The following POTEF variants were observed in gnomAD, a reference collection of about 807,000 sequenced individuals.
POTEF encodes the protein POTE ankyrin domain family member F, also known as ANKRD26-like family C member 1B.
In POTEF, 20 loss-of-function variants were observed where a neutral mutation model predicts 83.2. The observed-to-expected ratio is 0.24, with a 90% CI of 0.17 to 0.35. The LOEUF (loss-of-function observed/expected upper bound fraction) is 0.35, where lower values mean the gene tolerates loss of function less well. Among genes scored for constraint, POTEF ranks in the 10% least tolerant of loss-of-function variants. The pLI is 1.00. For missense variants in POTEF, 550 were observed against 1,203.2 expected (o/e 0.46, Z 8.03); for synonymous variants, 196 against 446.4 (o/e 0.44, Z 7.07).
intron 3 of POTEF, among the ~76,000 whole-genome samples, chr2:130,118,522 C>A (rs1407564387): frequency 4.0e-5 from 6 of 151,324 alleles, no homozygotes; most frequent in Admixed American, 3.9e-4. Flanking sequence ...TGGTGAAACC[C>A]CATCTCTACT....
intron 8 of POTEF, among the ~76,000 whole-genome samples, chr2:130,104,578 T>G (rs1389825196): frequency 6.6e-6 from 1 of 151,588 alleles, no homozygotes; most frequent in Non-Finnish European, 1.5e-5. Flanking sequence ...GAAAATGATT[T>G]TTTAGAAGTC....
chr2:130,120,179 T>C lies in POTEF; in HGVS notation c.337A>G (p.Ser113Gly), dbSNP rs2897665. 0.63 allele frequency: 978,977 copies of C among 1,562,616 alleles called. 301,397 individuals carry two copies. Among genetic ancestry groups the C allele is most frequent in the African/African-American group, 0.78 (55,018 of 70,698 alleles). ...CCCCAAGCGCCCACCTTGCTCTTGC[T>C]GCTCCCCCTGCAGCAGGGGAAGCAG... ...CHCFPCCRGS[S>G]KSKVGAWGDY... Residue 113 changes from serine (S) to glycine (G), a missense_variant, in exon 3 of 17, where the codon AGC becomes GGC. Physicochemically the swap from Ser to Gly is moderately conservative, Grantham distance 56. Coordinates refer to ENST00000409914, the MANE Select transcript of POTEF (RefSeq NM_001099771.2).
chr2:130,122,766 G>T lies in POTEF; in HGVS notation c.-93-2158C>A, dbSNP rs1685025641. Among the ~76,000 whole-genome samples the T allele has an allele frequency of 1.3e-5, 2 of 150,178 alleles. 1 individual carries two copies. The highest frequency in any genetic ancestry group is 1.3e-4 in the Admixed American group (2 of 15,136). ...ACATCCTTCATTAAAATTACTCCTT[G>T]CTCTTTGATTTACTTATATATTTGT... On this transcript the variant is annotated intron_variant, in intron 2 of 16. Coordinates refer to ENST00000409914, the MANE Select transcript of POTEF (RefSeq NM_001099771.2).
At chr2:130,122,975 C>T (rs1685029248) in intron 2 of POTEF, among the ~76,000 whole-genome samples, 1 of 140,182 alleles carries the variant, frequency 7.1e-6, no homozygotes, top group African/African-American at 2.7e-5. Flanking sequence ...ATTTAGATGC[C>T]TTTCCTTTCT....
chr2:130,114,765 A>T (rs1684798630), intron 5 of POTEF, 116 bp downstream of exon 5: 1 of 1,494,518 alleles, frequency 6.7e-7, no homozygotes, highest in Non-Finnish European at 9.0e-7. Flanking sequence ...TCATTTCAAA[A>T]TATTTCCATT....
chr2:130,113,235 A>C (rs1176588930), intron 5 of POTEF, among the ~76,000 whole-genome samples: 1 of 123,294 alleles, frequency 8.1e-6, no homozygotes, highest in Non-Finnish European at 1.7e-5. Context: ...AAAAAAAAAA[A>C]AAAACTGAGG....
chr2:130,076,730 A>T (rs1296404683), intron 16 of POTEF, among the ~76,000 whole-genome samples: 2 of 150,098 alleles, frequency 1.3e-5, no homozygotes, highest in Admixed American at 6.6e-5. Context: ...TAATCAATTG[A>T]CTTCTCTATT....
In POTEF at chr2:130,115,454, T is replaced by C. The variant is rs1407821494; in HGVS notation, c.522-126A>G. 97 of 1,080,166 alleles carry C rather than the reference T, an allele frequency of 9.0e-5. 1 individual carries two copies. In the East Asian group the frequency reaches 1.5e-3, roughly 16 times the overall value. 66.9% of individuals were successfully genotyped at this position (1,080,166 alleles called of 1,614,324 possible). On this transcript the variant is annotated intron_variant, in intron 3 of 16. Coordinates refer to ENST00000409914, the MANE Select transcript of POTEF (RefSeq NM_001099771.2). ...TGCCTTCAAAACAAACATTTAACTT[T>C]CCCATGAAAAAAGCACACTATTTAT...
In POTEF at chr2:130,112,199, G is replaced by A. The variant is rs878917799; in HGVS notation, c.811-98C>T. 2.4e-5 allele frequency: 30 copies of A among 1,249,406 alleles called. 1 individual carries two copies. The highest frequency in any genetic ancestry group is 1.4e-4 in the South Asian group (10 of 71,140). 77.4% of individuals were successfully genotyped at this position (1,249,406 alleles called of 1,614,324 possible). The stretch of plus-strand genomic sequence containing the variant: ...TATATAAGATCTTATGGACTTACAC[G>A]CATAGAAGTAAATAAAATGTAGTCA... On this transcript the variant is annotated intron_variant, in intron 5 of 16. Coordinates refer to ENST00000409914, the MANE Select transcript of POTEF (RefSeq NM_001099771.2).
chr2:130,080,566 C>G lies in POTEF; in HGVS notation c.1779-3365G>C, dbSNP rs1279193650. The stretch of plus-strand genomic sequence containing the variant: ...GAAATAAATTATACAGAGAACACTT[C>G]TGGTTAAGATGATGTATCAAAAAAA... On this transcript the variant is annotated intron_variant, in intron 15 of 16. Coordinates refer to ENST00000409914, the MANE Select transcript of POTEF (RefSeq NM_001099771.2). 7.7e-3 allele frequency among the ~76,000 whole-genome samples: 82 copies of G among 10,682 alleles called. 2 individuals are homozygous for G. Among genetic ancestry groups the G allele is most frequent in the Non-Finnish European group, 0.013 (61 of 4,724 alleles). The allele number at this position is 10,682 out of a possible 152,430, so 7.0% of individuals were successfully genotyped here.
At chr2:130,118,069 T>C (rs1229615078) in intron 3 of POTEF, among the ~76,000 whole-genome samples, 1 of 151,760 alleles carries the variant, frequency 6.6e-6, no homozygotes, top group Non-Finnish European at 1.5e-5. Context: ...GCCTTCTAAG[T>C]AGCTGGGATT....
At chr2:130,123,257 G>C (rs1047761149) in intron 2 of POTEF, among the ~76,000 whole-genome samples, 2 of 145,934 alleles carry the variant, frequency 1.4e-5, no homozygotes, top group Admixed American at 7.0e-5. Flanking sequence ...CAATGACTTT[G>C]AACTGTGGTC....
chr2:130,109,037 G>C (rs2438682), intron 7 of POTEF, among the ~76,000 whole-genome samples: 94,184 of 150,450 alleles, frequency 0.63, 30,012 homozygotes, highest in Admixed American at 0.72. Context: ...TATTTTGCAC[G>C]GAACATGTTA....
chr2:130,120,599 G>A lies in POTEF; in HGVS notation c.-84C>T, dbSNP rs1416790474. 3.8e-6 allele frequency: 6 copies of A among 1,596,456 alleles called. No homozygotes were observed. The East Asian group carries it at 1.3e-4, about 36-fold the overall frequency. ...TTTCACCAACTAGCAGGTAACTCCG[G>A]GTTTCCAATCTGTTTGAAGAGAAAA... On this transcript the variant is annotated 5_prime_UTR_variant, in exon 3 of 17. Coordinates refer to ENST00000409914, the MANE Select transcript of POTEF (RefSeq NM_001099771.2).
intron 2 of POTEF, among the ~76,000 whole-genome samples, chr2:130,126,900 G>C (rs1558898849): frequency 1.3e-5 from 2 of 151,940 alleles, no homozygotes; most frequent in African/African-American, 4.9e-5. Context: ...ACAAGAAGAT[G>C]AGAAGAATAC....
intron 13 of POTEF, 127 bp from the exon 14 acceptor site, chr2:130,086,514 GTAAT>G (rs1684019410): frequency 2.3e-6 from 1 of 435,624 alleles, no homozygotes; most frequent in African/African-American, 2.2e-5. Flanking sequence ...AAATTAGAAA[GTAAT>G]TAAAATTAAA....
At position 130,127,137 on chromosome 2, in the gene POTEF, C is replaced by A. The variant is rs1156377497; in HGVS notation, c.-94+572G>T. On this transcript the variant is annotated intron_variant, in intron 2 of 16. Transcript: ENST00000409914. ...GTGATCTAGACCATCCTGGCTAACA[C>A]TGTGAAACCCCATCTCTACTAAAAA... Among the ~76,000 whole-genome samples, 4 of 151,504 alleles carry A rather than the reference C, an allele frequency of 2.6e-5. No homozygotes were observed. In the East Asian group the frequency reaches 7.8e-4, roughly 29 times the overall value.
intron 2 of POTEF, among the ~76,000 whole-genome samples, chr2:130,127,235 G>C (rs1685119735): frequency 1.4e-5 from 2 of 144,632 alleles, no homozygotes. Flanking sequence ...TGAGGCAGGA[G>C]GATGGTGTGA....
intron 1 of POTEF, among the ~76,000 whole-genome samples, chr2:130,128,755 G>A (rs1685164569): frequency 1.1e-5 from 1 of 91,528 alleles, no homozygotes; most frequent in Admixed American, 1.4e-4. Flanking sequence ...TGCCAGCATT[G>A]TAGCTCCAAA....
Sources: allele counts gnomAD v4.1 joint callset (sites outside exome capture counted in the v4.1 genomes callset), GRCh38; gene constraint gnomAD v4.1.1; transcripts MANE v1.5; gene names NCBI Gene and HGNC (gene_info 2026-07-23, HGNC 2026-07-21).